FABP6: variants seen among roughly 807,000 people sequenced by gnomAD.
The protein encoded by FABP6 is gastrotropin.
In FABP6, 13 loss-of-function variants were observed where a neutral mutation model predicts 14.9. The ratio of observed to expected loss-of-function variants is 0.87; its 90% CI spans 0.57 to 1.39. FABP6 has a LOEUF of 1.39. Among genes scored for constraint, FABP6 ranks in the 40% most tolerant of loss-of-function variants. FABP6 has a pLI of 0.00. For synonymous variants in FABP6, 75 were observed against 63.6 expected (o/e 1.18, Z -0.85); for missense variants, 161 against 167.2 (o/e 0.96, Z 0.20).
rs558685190 is a variant in FABP6 at position 160,235,155 on chromosome 5, G to A, written c.333+246G>A. Among the ~76,000 whole-genome samples the A allele has an allele frequency of 1.6e-4, 24 of 152,272 alleles. No individual in the cohort carries two copies. In the South Asian group the frequency reaches 3.5e-3, roughly 22 times the overall value. On this transcript the variant is annotated intron_variant, in intron 3 of 3. Coordinates refer to ENST00000402432, the MANE Select transcript of FABP6 (RefSeq NM_001445.3). The stretch of plus-strand genomic sequence containing the variant: ...AAGTGAGGGAGCACACAGATTTGAC[G>A]ACAGAGCTGAGGTTTGATGCTAAGT...
intron 2 of FABP6, among the ~76,000 whole-genome samples, chr5:160,203,420 C>G (rs1039860422): frequency 1.3e-5 from 2 of 152,168 alleles, no homozygotes; most frequent in Non-Finnish European, 2.9e-5. Context: ...GATTATATGG[C>G]CCCTCAGAAT....
chr5:160,208,601 A>ATTAATGGGTTAT lies in FABP6; in HGVS notation c.52-5134_52-5123dup, dbSNP rs561264061. Among the ~76,000 whole-genome samples the ATTAATGGGTTAT allele has an allele frequency of 3.9e-3, 601 of 152,264 alleles. 4 individuals are homozygous for ATTAATGGGTTAT. Among genetic ancestry groups the ATTAATGGGTTAT allele is most frequent in the African/African-American group, 0.014 (571 of 41,548 alleles). On this transcript the variant is annotated intron_variant, in intron 2 of 6. Transcript: ENST00000393980. ...AATTAATCCACTAATAAATTAAAGGATTAATGGGTTATCATAAGAGTGGAT... is the reference window on the plus strand; with the variant it reads ...AATTAATCCACTAATAAATTAAAGGATTAATGGGTTATTTAATGGGTTATCATAAGAGTGGAT...
At chr5:160,220,331 G>T (rs1399156854) in intron 3 of FABP6, among the ~76,000 whole-genome samples, 1 of 152,026 alleles carries the variant, frequency 6.6e-6, no homozygotes, top group Non-Finnish European at 1.5e-5. Flanking sequence ...AATGAATGAG[G>T]CCAGGTGATG....
rs1171234455 is a variant in FABP6 at position 160,232,238 on chromosome 5, A to G, written c.208A>G (p.Ser70Gly). 1.9e-6 allele frequency: 3 copies of G among 1,612,162 alleles called. No homozygotes were observed. The highest frequency in any genetic ancestry group is 1.7e-4 in the Middle Eastern group (1 of 6,054). The change falls in exon 2 of 4, where the codon AGC becomes GGC. Residue 70 changes from serine (S) to glycine (G), a missense_variant. Physicochemically the swap from Ser to Gly is moderately conservative, Grantham distance 56. Coordinates refer to ENST00000402432, the MANE Select transcript of FABP6 (RefSeq NM_001445.3). ...CAACAAGTTCACTGTTGGCAAGGAA[A>G]GCAACATACAGACAATGGGGGGCAA... The part of the protein sequence containing the change: ...MTNKFTVGKE[S>G]NIQTMGGKTF...
intron 3 of FABP6, among the ~76,000 whole-genome samples, chr5:160,218,010 C>T (rs1416250542): frequency 6.6e-6 from 1 of 152,152 alleles, no homozygotes; most frequent in African/African-American, 2.4e-5. Flanking sequence ...ACAAACATAG[C>T]TCACTGCAGC....
At chr5:160,228,011 T>C (rs1014859940), upstream of FABP6, among the ~76,000 whole-genome samples, 4 of 152,028 alleles carry the variant, frequency 2.6e-5, no homozygotes, top group African/African-American at 9.7e-5. Flanking sequence ...GCAACTGTAT[T>C]GAATTCAGCT....
At chr5:160,229,831 ATTTTATTTTATTTTATT>A (rs1760333766) in intron 1 of FABP6, among the ~76,000 whole-genome samples, 1 of 1,718 alleles carries the variant, frequency 5.8e-4, no homozygotes, top group Non-Finnish European at 1.2e-3. Flanking sequence ...TTTTTATTTT[ATTTTATTTTATTTTATT>A]TTATTTTATT....
chr5:160,228,478 A>C (rs1297984463), upstream of FABP6: 2 of 456,320 alleles, frequency 4.4e-6, no homozygotes, highest in Non-Finnish European at 8.8e-6. Flanking sequence ...TGCAGAGGAC[A>C]TTCTCACAAG....
intron 2 of FABP6, among the ~76,000 whole-genome samples, chr5:160,208,027 T>C (rs767628448): frequency 7.9e-5 from 12 of 152,312 alleles, no homozygotes; most frequent in Non-Finnish European, 1.6e-4. Flanking sequence ...CCTGGCCATC[T>C]TTATCTTCTT....
At chr5:160,238,516 C>T (rs10071756) in intron 3 of FABP6, 90 bp from the exon 4 acceptor site, 1,055,767 of 1,109,878 alleles carry the variant, frequency 0.95, 502,750 homozygotes, top group East Asian at 1. Flanking sequence ...TACTCAAGGC[C>T]GGGGTTGGAG....
intron 3 of FABP6, among the ~76,000 whole-genome samples, chr5:160,236,021 T>TA (rs1760507169): frequency 6.8e-6 from 1 of 146,104 alleles, no homozygotes. Context: ...TGTCTGTTTT[T>TA]TTTTTTTTTT....
chr5:160,234,972 C>A, intron 3 of FABP6, 63 bp downstream of exon 3: 1 of 1,476,458 alleles, frequency 6.8e-7, no homozygotes, highest in Non-Finnish European at 9.4e-7. Context: ...GGCCACAGCC[C>A]CTCAGAAGTA....
intron 3 of FABP6, among the ~76,000 whole-genome samples, chr5:160,214,143 C>CTTT (rs1491313084): frequency 1.4e-5 from 2 of 141,328 alleles, no homozygotes; most frequent in African/African-American, 5.3e-5. Context: ...TTCTTTCTTT[C>CTTT]TTTCTTTCTT....
At chr5:160,224,321 G>A (rs947347818) in intron 3 of FABP6, among the ~76,000 whole-genome samples, 3 of 152,154 alleles carry the variant, frequency 2.0e-5, no homozygotes, top group African/African-American at 7.2e-5. Context: ...CTACTCGTGA[G>A]CCTGAGGTGG....
chr5:160,229,322 C>A, upstream of FABP6: 1 of 892,554 alleles, frequency 1.1e-6, no homozygotes, highest in Non-Finnish European at 1.6e-6. Context: ...ACCCTGCTGG[C>A]AATGGGGTGA....
At chr5:160,202,615 T>C (rs924989450) in intron 2 of FABP6, among the ~76,000 whole-genome samples, 1 of 151,850 alleles carries the variant, frequency 6.6e-6, no homozygotes, top group African/African-American at 2.4e-5. Context: ...GCTAACACGG[T>C]GAAACCCCGT....
intron 2 of FABP6, chr5:160,199,165 C>A: frequency 6.2e-7 from 1 of 1,614,060 alleles, no homozygotes; most frequent in Non-Finnish European, 8.5e-7. Flanking sequence ...CAGGTAGCTC[C>A]GTGAAGCTGG....
At chr5:160,232,948 C>T (rs984963760) in intron 2 of FABP6, among the ~76,000 whole-genome samples, 13 of 148,212 alleles carry the variant, frequency 8.8e-5, no homozygotes, top group Non-Finnish European at 1.6e-4. Context: ...AGTTACACAA[C>T]AGGGGCAGGC....
At chr5:160,232,338 T>C (rs1760408619) in intron 2 of FABP6, 65 bp downstream of exon 2, 2 of 1,466,996 alleles carry the variant, frequency 1.4e-6, no homozygotes, top group Non-Finnish European at 9.1e-7. Context: ...TTCTCAAACA[T>C]GGCCTCCCCG....
Sources: allele counts gnomAD v4.1 joint callset (sites outside exome capture counted in the v4.1 genomes callset), GRCh38; gene constraint gnomAD v4.1.1; transcripts MANE v1.5; gene names NCBI Gene and HGNC (gene_info 2026-07-23, HGNC 2026-07-21).